The following KLHL35 variants were observed in gnomAD, a reference collection of about 807,000 sequenced individuals.
The protein encoded by KLHL35 is kelch like family member 35, also known as kelch-like protein 35.
A neutral mutation model predicts 44.0 loss-of-function variants in KLHL35; 50 were observed. The observed-to-expected ratio is 1.14, with a 90% CI of 0.91 to 1.44. KLHL35 has a LOEUF of 1.44. Among genes scored for constraint, KLHL35 ranks in the 40% most tolerant of loss-of-function variants. The pLI, the probability that KLHL35 is intolerant of heterozygous loss-of-function variation, is 0.00. For missense variants in KLHL35, 1,049 were observed against 887.8 expected, an observed-to-expected ratio of 1.18 and a Z score of -2.31; for synonymous variants, 470 against 410.4, an observed-to-expected ratio of 1.15 and a Z score of -1.76.
Position 75,432,651 on chromosome 11 carries a change from C to T in KLHL35, c.-2+392G>A, listed in dbSNP as rs548173249. 8.5e-5 allele frequency among the ~76,000 whole-genome samples: 13 copies of T among 152,288 alleles called. No homozygotes were observed. The South Asian group carries it at 2.7e-3, about 32-fold the overall frequency. On this transcript the variant is annotated intron_variant, in intron 1 of 6. Coordinates refer to ENST00000539798, the MANE Select transcript of KLHL35 (RefSeq NM_001039548.3). ...AAGAGTCCCCTCCTAGGAAGTGTGT[C>T]AGTACTTTTTCATTTTACTGTCTAC...
chr11:75,428,367 G>A (rs976423664), intron 3 of KLHL35, 75 bp downstream of exon 3: 9 of 1,532,276 alleles, frequency 5.9e-6, no homozygotes, highest in Non-Finnish European at 8.0e-6. Flanking sequence ...CCGATTGGAG[G>A]GAAAAGCAAA....
chr11:75,427,242 C>G (rs551744042), intron 3 of KLHL35, among the ~76,000 whole-genome samples: 1 of 152,238 alleles, frequency 6.6e-6, no homozygotes, highest in South Asian at 2.1e-4. Flanking sequence ...AGAACCAGAG[C>G]TTCTGGCTCC....
chr11:75,430,073 G>T lies in KLHL35; in HGVS notation c.557C>A (p.Ala186Glu). ...RVLRQAFAEV[A>E]RHADFLELAP... Reference sequence around the variant, plus strand: ...CAGCTCCAGGAAGTCGGCGTGGCGCGCCACCTCGGCGAAGGCCTGACGCAG... The same window carrying T: ...CAGCTCCAGGAAGTCGGCGTGGCGCTCCACCTCGGCGAAGGCCTGACGCAG... The change falls in exon 2 of 7, where the codon GCG (alanine) becomes GAG (glutamate). Residue 186 changes from alanine to glutamate, a missense_variant. Ala to Glu is a moderately radical substitution (Grantham distance 107). Coordinates refer to ENST00000539798, the MANE Select transcript of KLHL35 (RefSeq NM_001039548.3). The T allele has an allele frequency of 1.4e-6, 2 of 1,389,098 alleles. No individual in the cohort carries two copies. Among genetic ancestry groups the T allele is most frequent in the South Asian group, 1.5e-5 (1 of 65,620 alleles). The allele number at this position is 1,389,098 out of a possible 1,614,324, so 86.0% of individuals were successfully genotyped here. A position where few individuals can be genotyped will look rare whatever the true frequency, so the allele number is the denominator to read the frequency against.
intron 1 of KLHL35, among the ~76,000 whole-genome samples, chr11:75,431,954 T>A (rs977594612): frequency 2.0e-5 from 3 of 152,178 alleles, no homozygotes; most frequent in African/African-American, 7.2e-5. Context: ...ACCTGCCCCT[T>A]TAGTTTGTCA....
Position 75,422,821 on chromosome 11 carries a change from G to C in KLHL35, c.1564-53C>G. On this transcript the variant is annotated intron_variant, in intron 6 of 6. Transcript: ENST00000539798. ...TCAGGTCCAGCCTGGGGCTTCCTCT[G>C]TCCCTGCCTGGCCAGGCCAGATAAT... The C allele has an allele frequency of 2.6e-6, 4 of 1,539,070 alleles. No homozygotes were observed. In the South Asian group the frequency reaches 4.5e-5, roughly 17 times the overall value.
rs1450492704 is a variant in KLHL35, at chr11:75,423,742, C to G, written c.1513G>C (p.Asp505His). 4 of 1,613,776 alleles carry G rather than the reference C, an allele frequency of 2.5e-6. No homozygotes were observed. In the African/African-American group the frequency reaches 4.0e-5, roughly 16 times the overall value. ...TCCCCCCACACATCTGTGCCTGGAT[C>G]ATAGGTGAAGATTTTGCTCATGAGA... ...GGLMSKIFTY[D>H]PGTDVWGEAA... Residue 505 changes from aspartate (D) to histidine (H), a missense_variant, in exon 6 of 7, where the codon GAT becomes CAT. Transcript: ENST00000539798.
Position 75,429,909 on chromosome 11 carries a change from G to T in KLHL35, c.721C>A (p.His241Asn). ...GGCGCCAGTAGCGGCAGGCGCACGT[G>T]CTCCAGCAGGCGTCGCAGCTGGCCG... ...RRGQLRRLLEHVRLPLLAPAY... is the reference protein window; with the variant it reads ...RRGQLRRLLENVRLPLLAPAY... The change falls in exon 2 of 7, where the codon CAC (histidine) becomes AAC (asparagine). Residue 241 changes from histidine (H) to asparagine (N), a missense_variant. Transcript: ENST00000539798. The T allele has an allele frequency of 6.7e-7, 1 of 1,493,192 alleles. No individual in the cohort carries two copies. The highest frequency in any genetic ancestry group is 8.8e-7 in the Non-Finnish European group (1 of 1,131,272). 92.5% of individuals were successfully genotyped at this position (1,493,192 alleles called of 1,614,324 possible). A position where few individuals can be genotyped will look rare whatever the true frequency, so the allele number is the denominator to read the frequency against.
chr11:75,427,874 C>CTAGG (rs1215638853), intron 3 of KLHL35, among the ~76,000 whole-genome samples: 1 of 152,210 alleles, frequency 6.6e-6, no homozygotes, highest in Non-Finnish European at 1.5e-5. Flanking sequence ...TCTGGGGACT[C>CTAGG]TGAGAATTCT....
intron 2 of KLHL35, among the ~76,000 whole-genome samples, chr11:75,428,995 C>T (rs1398585441): frequency 6.6e-6 from 1 of 152,170 alleles, no homozygotes; most frequent in East Asian, 1.9e-4. Context: ...CATGGCGTGC[C>T]CAAAGCCATT....
intron 5 of KLHL35, 43 bp downstream of exon 5, chr11:75,425,350 C>A (rs1190586092): frequency 1.3e-6 from 2 of 1,494,866 alleles, no homozygotes; most frequent in Non-Finnish European, 1.8e-6. Context: ...ACAGTGGGCA[C>A]CCCAGCCTTC....
rs890239620 is a variant in KLHL35, at chr11:75,422,461, A to G, written c.*119T>C. ...ACAGACCCAACAAGATTTTATTTAT[A>G]CAAGAAAAGGGACCATTAAGTTAAG... On this transcript the variant is annotated 3_prime_UTR_variant, in exon 7 of 7. Coordinates refer to ENST00000539798, the MANE Select transcript of KLHL35 (RefSeq NM_001039548.3). 2.3e-5 allele frequency: 20 copies of G among 867,918 alleles called. No homozygotes were observed. The highest frequency in any genetic ancestry group is 3.3e-5 in the Non-Finnish European group (19 of 574,250). The allele number at this position is 867,918 out of a possible 1,614,324, so 53.8% of individuals were successfully genotyped here.
At position 75,429,620 on chromosome 11, in the gene KLHL35, C is replaced by A. The variant is rs1490409094; in HGVS notation, c.881+129G>T. The A allele has an allele frequency of 4.0e-5, 48 of 1,192,300 alleles. No individual in the cohort carries two copies. The East Asian group carries it at 1.5e-3, about 37-fold the overall frequency. 73.9% of individuals were successfully genotyped at this position (1,192,300 alleles called of 1,614,324 possible). ...CAAGGGCAGAATTATGGGCACCGAG[C>A]CTCTAAAATGTTGAACGAATGACTG... On this transcript the variant is annotated intron_variant, in intron 2 of 6. Transcript: ENST00000539798.
intron 4 of KLHL35, chr11:75,426,298 C>T (rs1428667333): frequency 2.4e-6 from 1 of 410,106 alleles, no homozygotes; most frequent in East Asian, 4.0e-5. Context: ...AACCTAGACT[C>T]TATGGCCCCA....
intron 5 of KLHL35, 22 bp downstream of exon 5, chr11:75,425,371 C>T (rs371873431): frequency 4.3e-5 from 66 of 1,519,006 alleles, no homozygotes; most frequent in Non-Finnish European, 5.3e-5. Flanking sequence ...AACGCCCTCT[C>T]GCGCCTGAGG....
chr11:75,432,803 G>A (rs1948549175), intron 1 of KLHL35, among the ~76,000 whole-genome samples: 1 of 152,164 alleles, frequency 6.6e-6, no homozygotes, highest in Admixed American at 6.5e-5. Context: ...GGGCTCAATG[G>A]GTATCCTCCC....
chr11:75,424,095 T>C (rs958533555), intron 5 of KLHL35: 29 of 520,656 alleles, frequency 5.6e-5, no homozygotes, highest in Middle Eastern at 9.9e-4. Context: ...GTCCTCTGCC[T>C]CTGGACTCCC....
rs1299350779 is a variant in KLHL35, at chr11:75,425,314, G to A, written c.1374+79C>T. On this transcript the variant is annotated intron_variant, in intron 5 of 6. Transcript: ENST00000539798. ...AAGTGAATAAATGGACAAGGGCATG[G>A]AAACGCCCAATTCTGCGCCTGGCAC... is the stretch of plus-strand genomic sequence containing the variant. 5 of 1,394,598 alleles carry A rather than the reference G, an allele frequency of 3.6e-6. No homozygotes were observed. The East Asian group carries it at 1.1e-4, about 30-fold the overall frequency. The allele number at this position is 1,394,598 out of a possible 1,614,324, so 86.4% of individuals were successfully genotyped here.
chr11:75,425,795 G>C (rs968738135), intron 4 of KLHL35: 1 of 436,860 alleles, frequency 2.3e-6, no homozygotes, highest in African/African-American at 2.1e-5. Context: ...CTCATTTAGC[G>C]GGGATGAGAC....
In KLHL35 at chr11:75,430,043, GGCGCCAGCTCCAGGAAGTCGGCGTGGC is replaced by G. The variant is rs1295828993; in HGVS notation, c.560_586del (p.Arg187_Ala195del). The G allele has an allele frequency of 7.1e-7, 1 of 1,413,766 alleles. No homozygotes were observed. Among genetic ancestry groups the G allele is most frequent in the East Asian group, 3.1e-5 (1 of 31,842 alleles). 87.6% of individuals were successfully genotyped at this position (1,413,766 alleles called of 1,614,324 possible). A position where few individuals can be genotyped will look rare whatever the true frequency, so the allele number is the denominator to read the frequency against. On this transcript the variant is annotated inframe_deletion, in exon 2 of 7. Coordinates refer to ENST00000539798, the MANE Select transcript of KLHL35 (RefSeq NM_001039548.3). Reference sequence around the variant, plus strand: ...CGCCAGCAGCGCCACCACCTCGTCAGGCGCCAGCTCCAGGAAGTCGGCGTGGCGCGCCACCTCGGCGAAGGCCTGACG... The same window carrying G: ...CGCCAGCAGCGCCACCACCTCGTCAGGCGCCACCTCGGCGAAGGCCTGACG...
Sources: allele counts gnomAD v4.1 joint callset (sites outside exome capture counted in the v4.1 genomes callset), GRCh38; gene constraint gnomAD v4.1.1; transcripts MANE v1.5; gene names NCBI Gene and HGNC (gene_info 2026-07-23, HGNC 2026-07-21).